RBFOX3: variants seen among roughly 807,000 people sequenced by gnomAD.
RBFOX3 encodes RNA binding protein fox-1 homolog 3.
RBFOX3 carries 17 observed loss-of-function variants against 48.7 expected under a neutral mutation model. The observed-to-expected ratio is 0.35, with a 90% confidence interval of 0.24 to 0.52. The LOEUF is 0.52. Among genes scored for constraint, RBFOX3 ranks in the 20% least tolerant of loss-of-function variants. The probability of loss-of-function intolerance (pLI) is 0.94; values close to 1 mark genes in which losing one functional copy is unlikely to be tolerated. For synonymous variants in RBFOX3, 212 were observed against 209.5 expected (o/e 1.01, Z -0.10); for missense variants, 382 against 497.5 (o/e 0.77, Z 2.21).
chr17:79,401,197 A>G (rs1462050103), intron 2 of RBFOX3, among the ~76,000 whole-genome samples: 1 of 152,220 alleles, frequency 6.6e-6, no homozygotes, highest in African/African-American at 2.4e-5. Flanking sequence ...AGGAAAGATA[A>G]GAACTTCGGG....
intron 2 of RBFOX3, among the ~76,000 whole-genome samples, chr17:79,447,330 C>T (rs537743000): frequency 6.6e-6 from 1 of 152,302 alleles, no homozygotes; most frequent in East Asian, 1.9e-4. Flanking sequence ...AAATGTGCAG[C>T]CTCATCCATC....
At chr17:79,560,176 G>C (rs2092115127) in intron 1 of RBFOX3, among the ~76,000 whole-genome samples, 1 of 151,970 alleles carries the variant, frequency 6.6e-6, no homozygotes. Flanking sequence ...CTCCATCCCA[G>C]CCCCAAAAGA....
chr17:79,093,812 CACACACACACACACAG>C (rs1475857057), intron 14 of RBFOX3, among the ~76,000 whole-genome samples: 4 of 150,008 alleles, frequency 2.7e-5, no homozygotes, highest in African/African-American at 1.0e-4. Context: ...CACACACACA[CACACACACACACACAG>C]AGACACGCCA....
intron 1 of RBFOX3, among the ~76,000 whole-genome samples, chr17:79,490,523 C>A (rs1234127582): frequency 6.6e-6 from 1 of 152,156 alleles, no homozygotes; most frequent in Non-Finnish European, 1.5e-5. Flanking sequence ...CCCCAAAATA[C>A]AGCAACAACA....
chr17:79,440,466 G>A (rs1362693860), intron 2 of RBFOX3, among the ~76,000 whole-genome samples: 1 of 152,144 alleles, frequency 6.6e-6, no homozygotes, highest in East Asian at 1.9e-4. Flanking sequence ...CTATACCTGG[G>A]CCGGCCGAAG....
chr17:79,507,249 C>A (rs2083288965), intron 1 of RBFOX3, among the ~76,000 whole-genome samples: 1 of 152,200 alleles, frequency 6.6e-6, no homozygotes, highest in Admixed American at 6.5e-5. Flanking sequence ...ACCGCCAGGG[C>A]CTCAGAGCAC....
chr17:79,097,596 T>A, intron 10 of RBFOX3, 96 bp downstream of exon 10: 3 of 1,257,002 alleles, frequency 2.4e-6, no homozygotes, highest in Non-Finnish European at 2.1e-6. Flanking sequence ...ACGGCCCACC[T>A]GGCCCCGCCC....
chr17:79,089,432 A>G lies in RBFOX3; in HGVS notation c.*1451T>C, dbSNP rs1228053014. 3 of 152,692 alleles carry G rather than the reference A, an allele frequency of 2.0e-5. No individual in the cohort carries two copies. The highest frequency in any genetic ancestry group is 6.5e-5 in the Admixed American group (1 of 15,288). The allele number at this position is 152,692 out of a possible 1,614,324, so 9.5% of individuals were successfully genotyped here. ...ACACCTTGGAAGCATACAGAATGGT[A>G]AGAAAGGAAGCCCGGGGCTCGGCTG... On this transcript the variant is annotated 3_prime_UTR_variant, in exon 15 of 15. Coordinates refer to ENST00000693108, the MANE Select transcript of RBFOX3 (RefSeq NM_001350451.2).
chr17:79,656,707 AG>A, the RBFOX3 span, among the ~76,000 whole-genome samples: 18 of 9,668 alleles, frequency 1.9e-3, no homozygotes, highest in East Asian at 0.019. Context: ...GAAGGAAGGA[AG>A]GAGAGAGAGA....
At chr17:79,518,335 G>C (rs2085548824) in intron 1 of RBFOX3, among the ~76,000 whole-genome samples, 1 of 152,208 alleles carries the variant, frequency 6.6e-6, no homozygotes, top group Admixed American at 6.5e-5. Context: ...TACGATCTAT[G>C]ACAGCAGCTA....
At chr17:79,221,650 C>T (rs964649609) in intron 4 of RBFOX3, among the ~76,000 whole-genome samples, 4 of 152,242 alleles carry the variant, frequency 2.6e-5, no homozygotes, top group African/African-American at 9.6e-5. Flanking sequence ...AGTGAGAGCC[C>T]ACCCAGACCC....
chr17:79,572,599 G>A (rs2092715090), intron 1 of RBFOX3, among the ~76,000 whole-genome samples: 1 of 152,202 alleles, frequency 6.6e-6, no homozygotes, highest in African/African-American at 2.4e-5. Context: ...GAAGGCAGTG[G>A]GAGCTGAGCC....
chr17:79,518,030 C>A (rs2085504329), intron 1 of RBFOX3, among the ~76,000 whole-genome samples: 1 of 152,198 alleles, frequency 6.6e-6, no homozygotes, highest in Non-Finnish European at 1.5e-5. Flanking sequence ...TAAACAGTAT[C>A]CACAGGCAGA....
At chr17:79,442,831 C>T (rs2071427645) in intron 2 of RBFOX3, among the ~76,000 whole-genome samples, 1 of 152,154 alleles carries the variant, frequency 6.6e-6, no homozygotes, top group Non-Finnish European at 1.5e-5. Context: ...CCCAGGAGGA[C>T]AGGACCTGAA....
chr17:79,298,557 A>T (rs1000344363), intron 3 of RBFOX3: 2 of 152,232 alleles, frequency 1.3e-5, no homozygotes, highest in African/African-American at 4.8e-5. Flanking sequence ...TTCTGCGGCC[A>T]CCAGGTCGCC....
Position 79,388,930 on chromosome 17 carries a change from G to A in RBFOX3, c.-174-81106C>T, listed in dbSNP as rs372420426. On this transcript the variant is annotated intron_variant, in intron 2 of 14. Coordinates refer to ENST00000693108, the MANE Select transcript of RBFOX3 (RefSeq NM_001350451.2). ...CAGATTCCCTTAACTCCTCCCAGCC[G>A]CCAAGCCCTCCAATCCTTTAGAACT... Among the ~76,000 whole-genome samples the A allele has an allele frequency of 2.0e-4, 31 of 152,278 alleles. 1 individual carries two copies. In the South Asian group the frequency reaches 5.4e-3, roughly 26 times the overall value.
chr17:79,463,158 TCGCCAC>T (rs2075664992), intron 2 of RBFOX3, among the ~76,000 whole-genome samples: 1 of 62,838 alleles, frequency 1.6e-5, no homozygotes, highest in Admixed American at 1.6e-4. Flanking sequence ...TCCACCACCA[TCGCCAC>T]TGCCACCTCC....
intron 2 of RBFOX3, among the ~76,000 whole-genome samples, chr17:79,337,677 G>A (rs1463909516): frequency 6.6e-6 from 1 of 152,136 alleles, no homozygotes; most frequent in Non-Finnish European, 1.5e-5. Flanking sequence ...TTGGGAGGCT[G>A]AGGCAGAAAG....
At chr17:79,369,932 G>A (rs1213303271) in intron 2 of RBFOX3, among the ~76,000 whole-genome samples, 1 of 152,184 alleles carries the variant, frequency 6.6e-6, no homozygotes, top group Non-Finnish European at 1.5e-5. Context: ...GGCCTTGGCT[G>A]AGGGTGAGCA....
Sources: allele counts gnomAD v4.1 joint callset (sites outside exome capture counted in the v4.1 genomes callset), GRCh38; gene constraint gnomAD v4.1.1; transcripts MANE v1.5; gene names NCBI Gene and HGNC (gene_info 2026-07-23, HGNC 2026-07-21).